Variants in CYP2J2 observed in about 807,000 individuals in gnomAD.
CYP2J2 encodes the protein cytochrome P450 family 2 subfamily J member 2, also known as cytochrome P450 2J2.
Under a neutral mutation model 48.8 loss-of-function variants are expected in CYP2J2, and 41 were observed. That is an observed-to-expected ratio of 0.84 (90% confidence interval 0.66 to 1.09). CYP2J2 has a LOEUF of 1.09. Ranked by LOEUF, CYP2J2 falls within the 50% of genes least tolerant of loss-of-function variation. The probability of loss-of-function intolerance (pLI) is 0.00; values close to 1 mark genes in which losing one functional copy is unlikely to be tolerated. For missense variants in CYP2J2, 644 were observed against 617.3 expected (o/e 1.04, Z -0.46); for synonymous variants, 221 against 227.1 (o/e 0.97, Z 0.24).
chr1:59,957,973 C>T, the CYP2J2 span, among the ~76,000 whole-genome samples: 4 of 152,126 alleles, frequency 2.6e-5, no homozygotes, highest in African/African-American at 9.7e-5. Context: ...TGTCTTGGCA[C>T]ACTCCTTAGC....
chr1:59,932,436 A>G, the CYP2J2 span, among the ~76,000 whole-genome samples: 1 of 152,190 alleles, frequency 6.6e-6, no homozygotes. Flanking sequence ...TAATGTTCAA[A>G]TTGCAACTAT....
At chr1:59,960,765 C>A in the CYP2J2 span, among the ~76,000 whole-genome samples, 2 of 152,096 alleles carry the variant, frequency 1.3e-5, no homozygotes, top group Non-Finnish European at 2.9e-5. Context: ...ATTACTTGAA[C>A]CTGGGAGGCG....
the CYP2J2 span, among the ~76,000 whole-genome samples, chr1:59,944,197 T>C: frequency 6.6e-6 from 1 of 152,212 alleles, no homozygotes; most frequent in Non-Finnish European, 1.5e-5. Context: ...TTATAAACAA[T>C]GCTTCAGAGA....
intron 8 of CYP2J2, among the ~76,000 whole-genome samples, chr1:59,896,158 G>T (rs2102101155): frequency 1.3e-5 from 2 of 152,182 alleles, no homozygotes; most frequent in East Asian, 1.9e-4. Context: ...ATAATAATAT[G>T]TAGAAATCAA....
chr1:59,904,645 C>T (rs1644349592), intron 7 of CYP2J2: 1 of 487,898 alleles, frequency 2.0e-6, no homozygotes, highest in Non-Finnish European at 3.6e-6. Flanking sequence ...AAAGAAAAGC[C>T]AGTCTTTATC....
chr1:59,918,542 A>C (rs1381683847), intron 1 of CYP2J2, among the ~76,000 whole-genome samples: 1 of 152,162 alleles, frequency 6.6e-6, no homozygotes, highest in Non-Finnish European at 1.5e-5. Flanking sequence ...GATGTCTAAC[A>C]ATTCTTACGT....
the CYP2J2 span, among the ~76,000 whole-genome samples, chr1:59,935,039 T>TATATATAC: frequency 2.0e-5 from 2 of 100,418 alleles, no homozygotes; most frequent in African/African-American, 3.9e-5. Flanking sequence ...TATATATATA[T>TATATATAC]ATATATATAT....
At chr1:59,919,343 T>C (rs987262079) in intron 1 of CYP2J2, among the ~76,000 whole-genome samples, 2 of 152,226 alleles carry the variant, frequency 1.3e-5, no homozygotes, top group African/African-American at 2.4e-5. Flanking sequence ...AAGTTGGAAA[T>C]ATAATTTTAT....
chr1:59,917,010 T>A (rs7515289), intron 1 of CYP2J2, among the ~76,000 whole-genome samples: 1 of 151,866 alleles, frequency 6.6e-6, no homozygotes, highest in African/African-American at 2.4e-5. Flanking sequence ...TTAGGGCAGG[T>A]GCCAGGCATG....
Position 59,911,703 on chromosome 1 carries a change from A to G in CYP2J2, c.589T>C (p.Phe197Leu), listed in dbSNP as rs763855244. 3.7e-6 allele frequency: 6 copies of G among 1,613,650 alleles called. No individual in the cohort carries two copies. Among genetic ancestry groups the G allele is most frequent in the East Asian group, 2.2e-5 (1 of 44,862 alleles). ...TCCTGGTACTCAAAGCGTTCTCCGA[A>G]GGTGATGGAGCAAATGATATTGGAA... ...AVSNIICSIT[F>L]GERFEYQDSW... The change falls in exon 4 of 9, where the codon TTC (phenylalanine) becomes CTC (leucine). Residue 197 changes from phenylalanine to leucine, a missense_variant. Phe to Leu is a conservative substitution (Grantham distance 22). Transcript: ENST00000371204.
intron 2 of CYP2J2, among the ~76,000 whole-genome samples, chr1:59,913,830 C>G (rs1574255890): frequency 6.6e-6 from 1 of 152,294 alleles, no homozygotes; most frequent in East Asian, 1.9e-4. Flanking sequence ...AATATAATTC[C>G]CTTCTCTACT....
At chr1:59,931,147 C>G (rs143452473), upstream of CYP2J2, among the ~76,000 whole-genome samples, 2 of 152,006 alleles carry the variant, frequency 1.3e-5, no homozygotes, top group African/African-American at 4.8e-5. Flanking sequence ...ACACACAATC[C>G]GGGTAAATGC....
intron 7 of CYP2J2, among the ~76,000 whole-genome samples, chr1:59,901,678 C>A (rs1238236529): frequency 2.0e-5 from 3 of 152,146 alleles, no homozygotes; most frequent in African/African-American, 7.2e-5. Context: ...CCAGAGGGAG[C>A]TTTTCCTTTA....
intron 8 of CYP2J2, 80 bp from the exon 9 acceptor site, chr1:59,893,909 C>G: frequency 7.2e-7 from 1 of 1,393,668 alleles, no homozygotes; most frequent in East Asian, 2.4e-5. Flanking sequence ...TCAATCATAT[C>G]CCCAAAAAAA....
the CYP2J2 span, among the ~76,000 whole-genome samples, chr1:59,950,071 G>A: frequency 6.6e-6 from 1 of 152,166 alleles, no homozygotes; most frequent in Non-Finnish European, 1.5e-5. Context: ...CTAATGAATT[G>A]CACTTTGAGC....
chr1:59,964,304 G>A, the CYP2J2 span, among the ~76,000 whole-genome samples: 4 of 152,210 alleles, frequency 2.6e-5, no homozygotes, highest in Admixed American at 6.5e-5. Context: ...GGAACCAAGC[G>A]TGTGAATACT....
chr1:59,936,932 G>T, the CYP2J2 span, among the ~76,000 whole-genome samples: 1 of 152,186 alleles, frequency 6.6e-6, no homozygotes, highest in African/African-American at 2.4e-5. Flanking sequence ...AGTAACTCAG[G>T]TTACTTATTG....
At chr1:59,903,704 G>A (rs1289419720) in intron 7 of CYP2J2, among the ~76,000 whole-genome samples, 1 of 152,198 alleles carries the variant, frequency 6.6e-6, no homozygotes, top group African/African-American at 2.4e-5. Context: ...TTCCACTTGT[G>A]AGTACAGGGA....
chr1:59,926,435 C>T (rs1644564638), intron 1 of CYP2J2, 102 bp downstream of exon 1: 4 of 964,804 alleles, frequency 4.1e-6, no homozygotes, highest in Non-Finnish European at 6.6e-6. Flanking sequence ...CACACCTCTT[C>T]CTGCCCTTCA....
Sources: gnomAD v4.1 joint callset for allele counts (sites outside exome capture counted in the v4.1 genomes callset) on GRCh38, gnomAD v4.1.1 for gene constraint, MANE v1.5 for transcripts, NCBI Gene and HGNC (gene_info 2026-07-23, HGNC 2026-07-21) for gene names.